Variants in ELL2 observed in about 807,000 individuals in gnomAD.
ELL2 encodes the protein RNA polymerase II elongation factor ELL2.
ELL2 carries 21 observed loss-of-function variants against 72.8 expected under a neutral mutation model. The observed-to-expected ratio is 0.29, with a 90% confidence interval of 0.20 to 0.42. The LOEUF (loss-of-function observed/expected upper bound fraction) is 0.42, where lower values mean the gene tolerates loss of function less well. ELL2 is among the 10% of genes least tolerant of loss of function. The probability of loss-of-function intolerance (pLI) is 1.00; values close to 1 mark genes in which losing one functional copy is unlikely to be tolerated. For missense variants in ELL2, 568 were observed against 772.8 expected (o/e 0.73, Z 3.14); for synonymous variants, 266 against 283.2 (o/e 0.94, Z 0.61).
At chr5:95,895,081 G>A (rs1748816694) in intron 9 of ELL2, among the ~76,000 whole-genome samples, 1 of 152,188 alleles carries the variant, frequency 6.6e-6, no homozygotes, top group African/African-American at 2.4e-5. Context: ...AATGTCCCCA[G>A]CTCAGCATTT....
In ELL2 at chr5:95,886,161, C is replaced by T. The variant is rs1286729183; in HGVS notation, c.*2710G>A. 1 of 152,152 alleles carries T rather than the reference C, an allele frequency of 6.6e-6. No individual in the cohort carries two copies. Among genetic ancestry groups the T allele is most frequent in the African/African-American group, 2.4e-5 (1 of 41,442 alleles). The allele number at this position is 152,152 out of a possible 1,614,324, so 9.4% of individuals were successfully genotyped here. A position where few individuals can be genotyped will look rare whatever the true frequency, so the allele number is the denominator to read the frequency against. On this transcript the variant is annotated 3_prime_UTR_variant, in exon 12 of 12. Coordinates refer to ENST00000237853, the MANE Select transcript of ELL2 (RefSeq NM_012081.6). ...TAGATAAATTCTTCCACCGGAGTAACTGACATTAAGTGGCCACTATTCCTG... is the reference window on the plus strand; with the variant it reads ...TAGATAAATTCTTCCACCGGAGTAATTGACATTAAGTGGCCACTATTCCTG...
intron 2 of ELL2, among the ~76,000 whole-genome samples, chr5:95,936,653 C>T (rs1862313): frequency 0.25 from 37,830 of 151,876 alleles, 4,965 homozygotes; most frequent in East Asian, 0.38. Context: ...TGTGGTAATG[C>T]GTGCCTATAG....
chr5:95,921,089 G>C (rs1459719979), intron 2 of ELL2, among the ~76,000 whole-genome samples: 1 of 152,128 alleles, frequency 6.6e-6, no homozygotes, highest in African/African-American at 2.4e-5. Flanking sequence ...AAGAACTGCA[G>C]TCACCAATTC....
At chr5:95,922,371 T>G (rs1202734053) in intron 2 of ELL2, among the ~76,000 whole-genome samples, 1 of 152,210 alleles carries the variant, frequency 6.6e-6, no homozygotes, top group Non-Finnish European at 1.5e-5. Flanking sequence ...CTAAATTGCA[T>G]TTTTAAAAGG....
chr5:95,941,412 T>C (rs1339315706), intron 2 of ELL2, among the ~76,000 whole-genome samples: 6 of 152,130 alleles, frequency 3.9e-5, no homozygotes, highest in Non-Finnish European at 8.8e-5. Context: ...AACTGCCTGC[T>C]TTGCAATGCT....
At position 95,961,568 on chromosome 5, in the gene ELL2, C is replaced by T. The variant is rs1751858015; in HGVS notation, c.147+7G>A. The stretch of plus-strand genomic sequence containing the variant: ...TCTGAGCCCAGCCTGCCGGCCGGCC[C>T]GCTCACCTTGTGGCTCTGGTAAGTC... On this transcript the variant is annotated splice_region_variant and intron_variant, in intron 1 of 11. Transcript: ENST00000237853. 6.3e-7 allele frequency: 1 copy of T among 1,579,690 alleles called. No individual in the cohort carries two copies. The highest frequency in any genetic ancestry group is 1.1e-5 in the South Asian group (1 of 87,470).
In ELL2 at chr5:95,919,546, C is replaced by T; in HGVS notation, c.196-1G>A. ...GATCATTTTTGGGAATTTTGACAAG[C>T]TAAAATGAGGGGAAAAGAGAGAAAC... On this transcript the variant is annotated splice_acceptor_variant, in intron 2 of 11. Transcript: ENST00000237853. LOFTEE classifies it high-confidence loss of function. The T allele has an allele frequency of 6.4e-7, 1 of 1,559,388 alleles. No individual in the cohort carries two copies. Among genetic ancestry groups the T allele is most frequent in the Non-Finnish European group, 8.6e-7 (1 of 1,161,538 alleles).
At chr5:95,916,481 G>A (rs796686139) in intron 3 of ELL2, among the ~76,000 whole-genome samples, 21 of 152,252 alleles carry the variant, frequency 1.4e-4, no homozygotes, top group African/African-American at 5.1e-4. Flanking sequence ...ACTGTGTAAT[G>A]TAAGCCACTG....
chr5:95,912,575 A>G (rs376427612), intron 4 of ELL2, among the ~76,000 whole-genome samples: 12 of 152,210 alleles, frequency 7.9e-5, no homozygotes, highest in African/African-American at 2.9e-4. Flanking sequence ...GGGATAAAGG[A>G]GAAAGAAAGG....
At chr5:95,950,948 ATATAT>A (rs1751372449) in intron 1 of ELL2, among the ~76,000 whole-genome samples, 2 of 104,464 alleles carry the variant, frequency 1.9e-5, no homozygotes, top group East Asian at 6.6e-4. Flanking sequence ...ATATATATAT[ATATAT>A]AAAATCTTCA....
In ELL2 at chr5:95,906,661, G is replaced by A; in HGVS notation, c.603C>T (p.Ile201=). 6.2e-7 allele frequency: 1 copy of A among 1,614,170 alleles called. No homozygotes were observed. The highest frequency in any genetic ancestry group is 1.1e-5 in the South Asian group (1 of 91,090). The change falls in exon 5 of 12, where the codon ATC becomes ATT. Residue 201 remains isoleucine, a synonymous_variant. Coordinates refer to ENST00000237853, the MANE Select transcript of ELL2 (RefSeq NM_012081.6). ...TIRKTHSSST[I]SQRPYRDRVI... is the part of the protein sequence containing the mutation. ...CCCTGTCCCTGTATGGCCTCTGAGA[G>A]ATGGTGCTGCTGCTATGTGTCTTTC... is the stretch of plus-strand genomic sequence containing the variant.
chr5:95,938,161 G>A (rs1750846357), intron 2 of ELL2, among the ~76,000 whole-genome samples: 2 of 152,116 alleles, frequency 1.3e-5, no homozygotes, highest in African/African-American at 4.8e-5. Flanking sequence ...AAAACGAGAA[G>A]AAAAATCCAA....
chr5:95,945,427 A>G (rs1224270534), intron 1 of ELL2, among the ~76,000 whole-genome samples: 2 of 152,190 alleles, frequency 1.3e-5, no homozygotes, highest in Non-Finnish European at 2.9e-5. Flanking sequence ...CCTATGCCCC[A>G]CAGGATCAGA....
intron 1 of ELL2, among the ~76,000 whole-genome samples, chr5:95,955,563 C>G (rs1014208590): frequency 6.6e-6 from 1 of 152,160 alleles, no homozygotes; most frequent in African/African-American, 2.4e-5. Flanking sequence ...GATAGCAATC[C>G]TCGCTGGTAA....
intron 2 of ELL2, among the ~76,000 whole-genome samples, chr5:95,926,895 C>T (rs1310051424): frequency 6.6e-6 from 1 of 151,894 alleles, no homozygotes; most frequent in Non-Finnish European, 1.5e-5. Context: ...TAAAATACAC[C>T]CAATACACTC....
At chr5:95,954,273 C>G (rs947377002) in intron 1 of ELL2, among the ~76,000 whole-genome samples, 4 of 152,142 alleles carry the variant, frequency 2.6e-5, no homozygotes, top group African/African-American at 9.7e-5. Context: ...ATCTTTATCT[C>G]TCCTACCCCC....
At chr5:95,928,927 T>C (rs774968660) in intron 2 of ELL2, among the ~76,000 whole-genome samples, 3 of 152,152 alleles carry the variant, frequency 2.0e-5, no homozygotes, top group Non-Finnish European at 4.4e-5. Context: ...CTAAACCAGT[T>C]TAACTGGGCC....
chr5:95,911,504 A>G (rs1749599079), intron 4 of ELL2, among the ~76,000 whole-genome samples: 1 of 151,996 alleles, frequency 6.6e-6, no homozygotes, highest in Non-Finnish European at 1.5e-5. Context: ...TGCCCAGTTA[A>G]TTTATTTTTG....
Position 95,898,431 on chromosome 5 carries a change from A to C in ELL2, c.1334T>G (p.Leu445Arg). The C allele has an allele frequency of 6.2e-7, 1 of 1,613,518 alleles. No homozygotes were observed. The highest frequency in any genetic ancestry group is 8.5e-7 in the Non-Finnish European group (1 of 1,179,870). ...TTCTTCCATAGGCTTTGGACACTTT[A>C]GTAGAACGGAACCAGGGGGTAAGGT... is the stretch of plus-strand genomic sequence containing the variant. ...LETLPPGSVLLKCPKPMEENH... is the reference protein window; with the variant it reads ...LETLPPGSVLRKCPKPMEENH... The change falls in exon 8 of 12, where the codon CTA becomes CGA. Residue 445 changes from leucine (L) to arginine (R), a missense_variant. By Grantham distance (102) the Leu-to-Arg change is moderately radical (BLOSUM62 -2). Around this residue, in one of 2 missense-constraint regions of ELL2, gnomAD observed 511 missense variants for 728.4 expected, o/e 0.70. Coordinates refer to ENST00000237853, the MANE Select transcript of ELL2 (RefSeq NM_012081.6).
Sources: allele counts gnomAD v4.1 joint callset (sites outside exome capture counted in the v4.1 genomes callset), GRCh38; gene constraint gnomAD v4.1.1; regional missense constraint gnomAD v4.1.1; transcripts MANE v1.5; gene names NCBI Gene and HGNC (gene_info 2026-07-23, HGNC 2026-07-21).